The following NRG3 variants were observed in gnomAD, a reference collection of about 807,000 sequenced individuals.
The protein encoded by NRG3 is neuregulin 3.
In NRG3, 31 loss-of-function variants were observed where a neutral mutation model predicts 66.9. That is an observed-to-expected ratio of 0.46 (90% CI 0.35 to 0.63). The LOEUF is 0.63. Ranked by LOEUF, NRG3 falls within the 20% of genes least tolerant of loss-of-function variation. NRG3 has a pLI of 0.00. For missense variants in NRG3, 910 were observed against 878.9 expected (o/e 1.04, Z -0.45); for synonymous variants, 393 against 359.4 (o/e 1.09, Z -1.06).
chr10:82,636,996 C>T (rs2050246640), intron 2 of NRG3, among the ~76,000 whole-genome samples: 1 of 152,014 alleles, frequency 6.6e-6, no homozygotes, highest in Non-Finnish European at 1.5e-5. Flanking sequence ...CAAAGTACAA[C>T]ATGAAGACTA....
At chr10:82,667,487 C>T (rs72829361) in intron 2 of NRG3, among the ~76,000 whole-genome samples, 2,074 of 152,278 alleles carry the variant, frequency 0.014, 26 homozygotes, top group Non-Finnish European at 0.021. Flanking sequence ...TCTAAGTAGT[C>T]TTTAGTGCGG....
chr10:82,561,801 C>A (rs1316050274), intron 2 of NRG3, among the ~76,000 whole-genome samples: 2 of 152,150 alleles, frequency 1.3e-5, no homozygotes, highest in Non-Finnish European at 2.9e-5. Context: ...GTAAAATAAC[C>A]TTAACTGTAA....
At chr10:82,610,004 CT>C (rs2048209153) in intron 2 of NRG3, among the ~76,000 whole-genome samples, 1 of 152,154 alleles carries the variant, frequency 6.6e-6, no homozygotes, top group Admixed American at 6.5e-5. Flanking sequence ...GGAGGAAAAG[CT>C]GCTCCCAGGC....
chr10:82,391,213 C>G (rs1249864429), intron 2 of NRG3, among the ~76,000 whole-genome samples: 1 of 152,066 alleles, frequency 6.6e-6, no homozygotes, highest in Non-Finnish European at 1.5e-5. Flanking sequence ...TTTCAAAGAG[C>G]CCTGGTTTGG....
intron 6 of NRG3, among the ~76,000 whole-genome samples, chr10:82,960,504 A>T (rs1252642934): frequency 4.8e-5 from 7 of 146,616 alleles, no homozygotes; most frequent in Non-Finnish European, 7.5e-5. Flanking sequence ...AAGTAAAATT[A>T]TATTTGTTTG....
chr10:81,962,150 G>A (rs771153958), intron 1 of NRG3, among the ~76,000 whole-genome samples: 1 of 152,214 alleles, frequency 6.6e-6, no homozygotes, highest in Non-Finnish European at 1.5e-5. Context: ...GGGCAGAACT[G>A]AATCAGAATT....
Position 82,976,248 on chromosome 10 carries a change from G to T in NRG3, c.1412+2333G>T, listed in dbSNP as rs1341439056. Reference sequence around the variant, plus strand: ...TTTTTATATTTTTAGTAGAGACGGGGTTTCACCATGTTGGCCAGGCTGGTC... The same window carrying T: ...TTTTTATATTTTTAGTAGAGACGGGTTTTCACCATGTTGGCCAGGCTGGTC... On this transcript the variant is annotated intron_variant, in intron 7 of 8. Transcript: ENST00000372141. Among the ~76,000 whole-genome samples, 3 of 151,984 alleles carry T rather than the reference G, an allele frequency of 2.0e-5. No homozygotes were observed. The East Asian group carries it at 5.8e-4, about 29-fold the overall frequency.
At chr10:82,282,162 T>G (rs1452664859) in intron 1 of NRG3, among the ~76,000 whole-genome samples, 1 of 152,324 alleles carries the variant, frequency 6.6e-6, no homozygotes, top group East Asian at 1.9e-4. Flanking sequence ...TAGAGGAGGT[T>G]GTTCTAGCCA....
chr10:82,962,565 G>A (rs1246459379), intron 6 of NRG3, among the ~76,000 whole-genome samples: 3 of 152,112 alleles, frequency 2.0e-5, no homozygotes, highest in East Asian at 3.9e-4. Context: ...TAGGCCAGGC[G>A]CAGTGGCTCA....
chr10:82,683,892 C>T (rs1343954087), intron 2 of NRG3, among the ~76,000 whole-genome samples: 1 of 152,134 alleles, frequency 6.6e-6, no homozygotes, highest in Non-Finnish European at 1.5e-5. Context: ...AAACTATACG[C>T]AGGCAAAAAA....
intron 1 of NRG3, among the ~76,000 whole-genome samples, chr10:82,355,524 C>CT (rs1288741807): frequency 6.6e-6 from 1 of 152,116 alleles, no homozygotes; most frequent in African/African-American, 2.4e-5. Context: ...ATTAGCATCT[C>CT]TTTAGTAGGC....
chr10:82,010,645 G>A (rs933160426), intron 1 of NRG3, among the ~76,000 whole-genome samples: 3 of 152,114 alleles, frequency 2.0e-5, no homozygotes, highest in South Asian at 2.1e-4. Context: ...CAACAAAAAC[G>A]CTGCTTCTTG....
At chr10:82,119,379 CAA>C (rs1306383089) in intron 1 of NRG3, among the ~76,000 whole-genome samples, 1 of 151,920 alleles carries the variant, frequency 6.6e-6, no homozygotes, top group East Asian at 1.9e-4. Context: ...ACTGATTTCA[CAA>C]AAAAAGTTAT....
chr10:82,457,072 ATTCC>A (rs1250913196), intron 2 of NRG3, among the ~76,000 whole-genome samples: 1 of 152,156 alleles, frequency 6.6e-6, no homozygotes, highest in South Asian at 2.1e-4. Context: ...CTACGTAATC[ATTCC>A]TAATAATAAA....
intron 1 of NRG3, among the ~76,000 whole-genome samples, chr10:82,310,498 A>G (rs1350827074): frequency 1.3e-5 from 2 of 152,196 alleles, no homozygotes; most frequent in East Asian, 3.9e-4. Context: ...TTTCATTCAA[A>G]CAAAATTGAA....
At chr10:82,837,393 G>A (rs2062835229) in intron 3 of NRG3, among the ~76,000 whole-genome samples, 1 of 152,002 alleles carries the variant, frequency 6.6e-6, no homozygotes, top group African/African-American at 2.4e-5. Flanking sequence ...TGGCTTATTT[G>A]TGCTAAGTTT....
intron 2 of NRG3, among the ~76,000 whole-genome samples, chr10:82,609,309 C>G (rs2048160766): frequency 6.6e-6 from 1 of 152,066 alleles, no homozygotes; most frequent in South Asian, 2.1e-4. Context: ...AAGAGCCATT[C>G]AAAGAGTGCC....
intron 3 of NRG3, among the ~76,000 whole-genome samples, chr10:82,819,159 A>G (rs1050296728): frequency 2.0e-5 from 3 of 152,242 alleles, no homozygotes; most frequent in Non-Finnish European, 2.9e-5. Context: ...TAAAATAATC[A>G]TTAACGAAGA....
At chr10:82,450,682 A>G (rs2090979477) in intron 2 of NRG3, among the ~76,000 whole-genome samples, 1 of 152,186 alleles carries the variant, frequency 6.6e-6, no homozygotes, top group African/African-American at 2.4e-5. Context: ...TAAAAAAGGC[A>G]CTTTAAATAC....
Sources: gnomAD v4.1 joint callset for allele counts (sites outside exome capture counted in the v4.1 genomes callset) on GRCh38, gnomAD v4.1.1 for gene constraint, MANE v1.5 for transcripts, NCBI Gene and HGNC (gene_info 2026-07-23, HGNC 2026-07-21) for gene names.